The following PRR11 variants were observed in gnomAD, a reference collection of about 807,000 sequenced individuals.
The protein encoded by PRR11 is proline-rich protein 11.
PRR11 carries 30 observed loss-of-function variants against 45.6 expected under a neutral mutation model. The observed-to-expected ratio is 0.66, with a 90% CI of 0.49 to 0.89. PRR11 has a LOEUF of 0.89. Among genes scored for constraint, PRR11 ranks in the 40% least tolerant of loss-of-function variants. PRR11 has a pLI of 0.00. For missense variants in PRR11, 373 were observed against 424.8 expected (o/e 0.88, Z 1.07); for synonymous variants, 128 against 153.5 (o/e 0.83, Z 1.23).
chr17:59,162,760 C>A lies in PRR11; in HGVS notation c.-6+6955C>A, dbSNP rs1415226657. Among the ~76,000 whole-genome samples the A allele has an allele frequency of 3.4e-4, 44 of 128,534 alleles. 1 individual carries two copies. Among genetic ancestry groups the A allele is most frequent in the Non-Finnish European group, 9.4e-5 (6 of 63,746 alleles). The allele number at this position is 128,534 out of a possible 152,430, so 84.3% of individuals were successfully genotyped here. On this transcript the variant is annotated intron_variant, in intron 1 of 9. Transcript: ENST00000262293. Reference sequence around the variant, plus strand: ...TTTTTTTTTTTGAGACAGAGTTTCACTCTTGTTGCCCAGGCTGGAGTGCAA... The same window carrying A: ...TTTTTTTTTTTGAGACAGAGTTTCAATCTTGTTGCCCAGGCTGGAGTGCAA...
At chr17:59,189,622 C>A (rs1433583210) in intron 4 of PRR11, among the ~76,000 whole-genome samples, 1 of 152,030 alleles carries the variant, frequency 6.6e-6, no homozygotes, top group Non-Finnish European at 1.5e-5. Flanking sequence ...ACATGAGCCA[C>A]CACACCAGGC....
At chr17:59,174,959 C>G in intron 2 of PRR11, 3 of 885,214 alleles carry the variant, frequency 3.4e-6, no homozygotes, top group Non-Finnish European at 5.4e-6. Context: ...CCCCGCCTAC[C>G]TCCTCCAACT....
intron 2 of PRR11, chr17:59,175,071 T>C (rs750391126): frequency 1.7e-6 from 1 of 587,604 alleles, no homozygotes; most frequent in Non-Finnish European, 3.0e-6. Context: ...GTACAGGAAG[T>C]AGAAAATGTT....
intron 7 of PRR11, among the ~76,000 whole-genome samples, chr17:59,196,524 G>A (rs1222645493): frequency 6.6e-6 from 1 of 151,910 alleles, no homozygotes; most frequent in African/African-American, 2.4e-5. Flanking sequence ...TTACAGGCGT[G>A]TGCCACAGTG....
intron 9 of PRR11, among the ~76,000 whole-genome samples, chr17:59,199,880 A>G (rs1231113899): frequency 2.0e-5 from 3 of 152,116 alleles, no homozygotes; most frequent in African/African-American, 7.2e-5. Context: ...TCCTCCTCTT[A>G]GAGCATGCTA....
At chr17:59,169,700 ATG>A (rs1205846623) in intron 1 of PRR11, 46 bp from the exon 2 acceptor site, 2 of 1,420,184 alleles carry the variant, frequency 1.4e-6, no homozygotes, top group Non-Finnish European at 1.9e-6. Context: ...TACTTTCTAT[ATG>A]TATATATTAT....
chr17:59,192,723 G>A (rs964188441), intron 4 of PRR11, among the ~76,000 whole-genome samples: 3 of 151,952 alleles, frequency 2.0e-5, no homozygotes, highest in South Asian at 4.2e-4. Context: ...CCACCCTAAC[G>A]GCCTCATTTT....
intron 2 of PRR11, among the ~76,000 whole-genome samples, chr17:59,176,684 C>CTTTTTTTT (rs71367676): frequency 1.3e-4 from 5 of 39,002 alleles, no homozygotes; most frequent in African/African-American, 3.6e-4. Flanking sequence ...GTTTTTTTGG[C>CTTTTTTTT]TTTTTTTTTT....
At chr17:59,197,169 A>T (rs971429523) in intron 7 of PRR11, among the ~76,000 whole-genome samples, 1 of 152,036 alleles carries the variant, frequency 6.6e-6, no homozygotes, top group Non-Finnish European at 1.5e-5. Flanking sequence ...TTTTAATGTA[A>T]CACATAGAAC....
At chr17:59,182,823 T>TC (rs560497031) in intron 2 of PRR11, among the ~76,000 whole-genome samples, 98 of 152,268 alleles carry the variant, frequency 6.4e-4, no homozygotes, top group Admixed American at 5.7e-3. Flanking sequence ...GGGGCTCTGC[T>TC]CCTCATCCTG....
At chr17:59,194,689 A>G in intron 5 of PRR11, 68 bp from the exon 6 acceptor site, 1 of 1,243,722 alleles carries the variant, frequency 8.0e-7, no homozygotes, top group South Asian at 1.3e-5. Flanking sequence ...TAAAAACTAG[A>G]TTTGGATTTG....
At chr17:59,159,399 A>G (rs2046640991) in intron 1 of PRR11, among the ~76,000 whole-genome samples, 1 of 152,202 alleles carries the variant, frequency 6.6e-6, no homozygotes, top group South Asian at 2.1e-4. Flanking sequence ...CTGACTTTGA[A>G]CATAGAACAT....
intron 2 of PRR11, among the ~76,000 whole-genome samples, chr17:59,182,270 T>C (rs1173020888): frequency 6.6e-6 from 1 of 151,128 alleles, no homozygotes; most frequent in Non-Finnish European, 1.5e-5. Context: ...TCAAGTGATC[T>C]GCCCGCCTTG....
chr17:59,184,935 A>T (rs1599702677), intron 2 of PRR11, 119 bp from the exon 3 acceptor site: 1 of 724,292 alleles, frequency 1.4e-6, no homozygotes, highest in East Asian at 2.9e-5. Flanking sequence ...GGTCTCAAGC[A>T]ATCTCCTCAC....
chr17:59,187,036 T>C (rs1251264729), intron 4 of PRR11, among the ~76,000 whole-genome samples: 1 of 151,686 alleles, frequency 6.6e-6, no homozygotes, highest in Non-Finnish European at 1.5e-5. Flanking sequence ...CTTAAATACA[T>C]GAGTAGGGCC....
chr17:59,196,421 G>T (rs2046866346), intron 7 of PRR11, among the ~76,000 whole-genome samples: 4 of 152,004 alleles, frequency 2.6e-5, no homozygotes, highest in South Asian at 4.1e-4. Flanking sequence ...CTGTCGCCCA[G>T]ACTGGAGTGC....
chr17:59,163,893 C>G (rs2147833601), intron 1 of PRR11, among the ~76,000 whole-genome samples: 1 of 152,106 alleles, frequency 6.6e-6, no homozygotes, highest in Admixed American at 6.5e-5. Context: ...GGGGAAACCC[C>G]GTCTCTACTA....
intron 1 of PRR11, among the ~76,000 whole-genome samples, chr17:59,158,205 G>A (rs184507271): frequency 8.5e-5 from 13 of 152,176 alleles, no homozygotes; most frequent in Admixed American, 7.9e-4. Flanking sequence ...TCTCCAAAAC[G>A]ACTGACTTGG....
chr17:59,157,891 G>A (rs531197788), intron 1 of PRR11, among the ~76,000 whole-genome samples: 10 of 152,232 alleles, frequency 6.6e-5, no homozygotes, highest in African/African-American at 2.2e-4. Context: ...CAGAAGGAAA[G>A]GCTGATAGAA....
Sources: allele counts gnomAD v4.1 joint callset (sites outside exome capture counted in the v4.1 genomes callset), GRCh38; gene constraint gnomAD v4.1.1; transcripts MANE v1.5; gene names NCBI Gene and HGNC (gene_info 2026-07-23, HGNC 2026-07-21).